PGLYRP2: variants seen among roughly 807,000 people sequenced by gnomAD.
PGLYRP2 encodes the protein N-acetylmuramoyl-L-alanine amidase.
A neutral mutation model predicts 46.2 loss-of-function variants in PGLYRP2; 38 were observed. The ratio of observed to expected loss-of-function variants is 0.82; its 90% CI spans 0.64 to 1.08. The LOEUF (loss-of-function observed/expected upper bound fraction) is 1.08, where lower values mean the gene tolerates loss of function less well. Among genes scored for constraint, PGLYRP2 ranks in the 50% least tolerant of loss-of-function variants. The pLI is 0.00. For synonymous variants in PGLYRP2, 289 were observed against 329.4 expected (o/e 0.88, Z 1.33); for missense variants, 713 against 755.9 (o/e 0.94, Z 0.67).
At chr19:15,473,367 G>A (rs1568341270) in intron 2 of PGLYRP2, among the ~76,000 whole-genome samples, 1 of 150,406 alleles carries the variant, frequency 6.6e-6, no homozygotes, top group Non-Finnish European at 1.5e-5. Context: ...CTATGTGGGA[G>A]GCTGAGGCAG....
At position 15,472,077 on chromosome 19, in the gene PGLYRP2, A is replaced by C; in HGVS notation, c.1156T>G (p.Cys386Gly). 1 of 1,604,826 alleles carries C rather than the reference A, an allele frequency of 6.2e-7. No homozygotes were observed. The highest frequency in any genetic ancestry group is 8.5e-7 in the Non-Finnish European group (1 of 1,179,720). ...FLGCPAIHPRCRWGAAPYRGR... is the reference protein window; with the variant it reads ...FLGCPAIHPRGRWGAAPYRGR... ...CGATAAGGCGCCGCTCCCCAGCGGC[A>C]GCGGGGGTGGATGGCCGGGCATCCT... is the stretch of plus-strand genomic sequence containing the variant. Residue 386 changes from cysteine (C) to glycine (G), a missense_variant, in exon 3 of 5, where the codon TGC becomes GGC. Coordinates refer to ENST00000340880, the MANE Select transcript of PGLYRP2 (RefSeq NM_052890.4).
intron 3 of PGLYRP2, among the ~76,000 whole-genome samples, chr19:15,470,238 TTCTTTCCTTCCTTCCTTCCTTCCTTCC>T (rs1970732435): frequency 1.5e-5 from 2 of 130,518 alleles, no homozygotes; most frequent in Middle Eastern, 3.9e-3. Flanking sequence ...TGGGTTTTTT[TTCTTTCCTTCCTTCCTTCCTTCCTTCC>T]TTCCTTCCTT....
chr19:15,476,212 T>C lies in PGLYRP2; in HGVS notation c.458A>G (p.Asp153Gly). The C allele has an allele frequency of 1.2e-6, 2 of 1,614,076 alleles. No homozygotes were observed. Among genetic ancestry groups the C allele is most frequent in the South Asian group, 2.2e-5 (2 of 91,080 alleles). Residue 153 changes from aspartate to glycine, a missense_variant, in exon 2 of 5, where the codon GAT becomes GGT. Asp to Gly is a moderately conservative substitution (Grantham distance 94). Coordinates refer to ENST00000340880, the MANE Select transcript of PGLYRP2 (RefSeq NM_052890.4). ...AATGGCCACAACATCTGGAAAGGTA[T>C]CTCCAGTCTCCCAAGGGGCAGCCAT... ...DSMAAPWETG[D>G]TFPDVVAIAP... is the part of the protein sequence containing the mutation.
At position 15,475,644 on chromosome 19, in the gene PGLYRP2, A is replaced by G. The variant is rs1224336270; in HGVS notation, c.1026T>C (p.Leu342=). 6.2e-7 allele frequency: 1 copy of G among 1,614,028 alleles called. No individual in the cohort carries two copies. The highest frequency in any genetic ancestry group is 1.3e-5 in the African/African-American group (1 of 74,912). Residue 342 remains leucine (L), a synonymous_variant, in exon 2 of 5, where the codon CTT becomes CTC. Coordinates refer to ENST00000340880, the MANE Select transcript of PGLYRP2 (RefSeq NM_052890.4). ...LAQQVWGTLV[L]LQRLEPVHLQ... is the part of the protein sequence containing the mutation. Reference sequence around the variant, plus strand: ...GGTGTACTGGCTCCAGCCTCTGTAGAAGGACAAGGGTTCCCCACACCTGCT... The same window carrying G: ...GGTGTACTGGCTCCAGCCTCTGTAGGAGGACAAGGGTTCCCCACACCTGCT...
chr19:15,470,237 T>TTCCTTTCCTTCCTTCC (rs1970732105), intron 3 of PGLYRP2, among the ~76,000 whole-genome samples: 4 of 113,898 alleles, frequency 3.5e-5, no homozygotes, highest in African/African-American at 9.7e-5. Flanking sequence ...TTGGGTTTTT[T>TTCCTTTCCTTCCTTCC]TTCTTTCCTT....
intron 2 of PGLYRP2, among the ~76,000 whole-genome samples, chr19:15,473,901 C>T (rs1393933125): frequency 6.6e-6 from 1 of 151,874 alleles, no homozygotes; most frequent in Non-Finnish European, 1.5e-5. Context: ...GGGCAAAAGA[C>T]ATTAATAGAC....
chr19:15,473,470 C>CA lies in PGLYRP2; in HGVS notation c.1133-1371dup, dbSNP rs56053684. Among the ~76,000 whole-genome samples, 95 of 36,474 alleles carry CA rather than the reference C, an allele frequency of 2.6e-3. 10 individuals carry two copies. The highest frequency in any genetic ancestry group is 0.019 in the East Asian group (8 of 418). 23.9% of individuals were successfully genotyped at this position (36,474 alleles called of 152,430 possible). On this transcript the variant is annotated intron_variant, in intron 2 of 4. Transcript: ENST00000340880. ...GGGCAACAGAGCAAAAACTCTGTCTCAAAAAAAAAAAAAAAAAAAAAAAAA... is the reference window on the plus strand; with the variant it reads ...GGGCAACAGAGCAAAAACTCTGTCTCAAAAAAAAAAAAAAAAAAAAAAAAAA...
Position 15,476,454 on chromosome 19 carries a change from C to T in PGLYRP2, c.216G>A (p.Gly72=). Residue 72 remains glycine, a synonymous_variant, in exon 2 of 5, where the codon GGG becomes GGA. Transcript: ENST00000340880. ...PHNRLYHFLL[G]AWSLNATELD... ...ACTCTGTAGCATTGAGGCTCCATGC[C>T]CCCAGCAGGAAGTGGTAGAGGCGAT... The T allele has an allele frequency of 6.2e-7, 1 of 1,614,134 alleles. No individual in the cohort carries two copies. The highest frequency in any genetic ancestry group is 1.1e-5 in the South Asian group (1 of 91,082).
At chr19:15,471,811 C>A in intron 3 of PGLYRP2, 79 bp downstream of exon 3, 7 of 1,476,478 alleles carry the variant, frequency 4.7e-6, no homozygotes, top group Non-Finnish European at 5.5e-6. Context: ...CAAGCCCGGT[C>A]CCCTGCATCA....
At chr19:15,475,503 T>C (rs776726928) in intron 2 of PGLYRP2, 35 bp downstream of exon 2, 2 of 1,536,166 alleles carry the variant, frequency 1.3e-6, no homozygotes, top group East Asian at 2.3e-5. Flanking sequence ...GTGTCTGTAA[T>C]GGGAAGGATC....
rs1209400868 is a variant in PGLYRP2, at chr19:15,472,024, C to T, written c.1209G>A (p.Pro403=). The T allele has an allele frequency of 1.2e-6, 2 of 1,612,888 alleles. No homozygotes were observed. Among genetic ancestry groups the T allele is most frequent in the African/African-American group, 1.3e-5 (1 of 75,062 alleles). ...TGTGATGCACGTACAAGAATCCCAGCGGCAGCTGCAGCAGCTTCGGGCGGC... is the reference window on the plus strand; with the variant it reads ...TGTGATGCACGTACAAGAATCCCAGTGGCAGCTGCAGCAGCTTCGGGCGGC... The part of the protein sequence containing the change: ...YRGRPKLLQL[P]LGFLYVHHTY... The change falls in exon 3 of 5, where the codon CCG becomes CCA. Residue 403 remains proline (P), a synonymous_variant. Transcript: ENST00000340880.
chr19:15,477,712 A>T (rs1204118883), intron 1 of PGLYRP2, among the ~76,000 whole-genome samples: 3 of 82,638 alleles, frequency 3.6e-5, no homozygotes, highest in African/African-American at 1.0e-4. Context: ...TAAAATAAAT[A>T]AAATAAAATT....
chr19:15,475,860 C>T lies in PGLYRP2; in HGVS notation c.810G>A (p.Met270Ile). 1 of 1,614,050 alleles carries T rather than the reference C, an allele frequency of 6.2e-7. No individual in the cohort carries two copies. Among genetic ancestry groups the T allele is most frequent in the South Asian group, 1.1e-5 (1 of 91,084 alleles). ...CATCCAGGGCGCCATTGAGGAAGGC[C>T]ATGGTTAACAGAGATGCCTTGGGGT... ...LLDPKASLLT[M>I]AFLNGALDGV... The change falls in exon 2 of 5, where the codon ATG becomes ATA. Residue 270 changes from methionine (M) to isoleucine (I), a missense_variant. By Grantham distance (10) the Met-to-Ile change is conservative. Transcript: ENST00000340880.
At chr19:15,475,412 C>T in intron 2 of PGLYRP2, 126 bp downstream of exon 2, 1 of 915,632 alleles carries the variant, frequency 1.1e-6, no homozygotes, top group Non-Finnish European at 1.7e-6. Context: ...CTGTCCCACC[C>T]ACCCCCGACC....
Position 15,469,491 on chromosome 19 carries a change from T to G in PGLYRP2, c.1641+141A>C. 8.2e-7 allele frequency: 1 copy of G among 1,212,194 alleles called. No individual in the cohort carries two copies. Among genetic ancestry groups the G allele is most frequent in the Non-Finnish European group, 1.2e-6 (1 of 849,878 alleles). 75.1% of individuals were successfully genotyped at this position (1,212,194 alleles called of 1,614,324 possible). A position where few individuals can be genotyped will look rare whatever the true frequency, so the allele number is the denominator to read the frequency against. ...CCGCAAAGGCTGGGCCTAGGTTTCC[T>G]GAATAGACGTGCCGCCGGGAAGTTG... On this transcript the variant is annotated intron_variant, in intron 4 of 4. Coordinates refer to ENST00000340880, the MANE Select transcript of PGLYRP2 (RefSeq NM_052890.4). The surrounding 1 kb of genome is among the most constrained non-coding windows in gnomAD (Gnocchi z 4.9).
At chr19:15,470,241 TTTCCTTCCTTCCTTCCTTCC>T (rs71176417) in intron 3 of PGLYRP2, among the ~76,000 whole-genome samples, 1 of 100,002 alleles carries the variant, frequency 1.0e-5, no homozygotes, top group Non-Finnish European at 2.0e-5. Flanking sequence ...GTTTTTTTTC[TTTCCTTCCTTCCTTCCTTCC>T]TTCCTTCCTT....
In PGLYRP2 at chr19:15,476,522, C is replaced by T. The variant is rs1970799041; in HGVS notation, c.148G>A (p.Ala50Thr). The change falls in exon 2 of 5, where the codon GCT becomes ACT. Residue 50 changes from alanine to threonine, a missense_variant. Transcript: ENST00000340880. Reference protein sequence around the residue: ...KVPAAKTRHTASAWLMSAPNS... With the variant: ...KVPAAKTRHTTSAWLMSAPNS... ...GGAGCTGACATCAGCCACGCAGAAG[C>T]TGTGTGTCTGGTCTTGGCAGCTGGC... 4.3e-6 allele frequency: 7 copies of T among 1,614,008 alleles called. No individual in the cohort carries two copies. The Admixed American group carries it at 1.2e-4, about 27-fold the overall frequency.
chr19:15,470,079 C>A (rs1970730460), intron 3 of PGLYRP2, 150 bp from the exon 4 acceptor site: 2 of 780,998 alleles, frequency 2.6e-6, no homozygotes, highest in South Asian at 3.8e-5. Context: ...CAGCTCTGTT[C>A]CACTCTCACA....
rs529274628 is a variant in PGLYRP2, at chr19:15,468,795, G to A, written c.1642-43C>T. The A allele has an allele frequency of 9.9e-6, 15 of 1,522,590 alleles. No individual in the cohort carries two copies. The Admixed American group carries it at 2.5e-4, about 26-fold the overall frequency. The allele number at this position is 1,522,590 out of a possible 1,614,324, so 94.3% of individuals were successfully genotyped here. A position where few individuals can be genotyped will look rare whatever the true frequency, so the allele number is the denominator to read the frequency against. ...AGTGTGAGGCTTGGGGGTGGTTGTG[G>A]TATGTGGCTGGGTCTGCCCTCCTGG... On this transcript the variant is annotated intron_variant, in intron 4 of 4. Coordinates refer to ENST00000340880, the MANE Select transcript of PGLYRP2 (RefSeq NM_052890.4).
Sources: allele counts gnomAD v4.1 joint callset (sites outside exome capture counted in the v4.1 genomes callset), GRCh38; gene constraint gnomAD v4.1.1; non-coding constraint Gnocchi (gnomAD v3.1); transcripts MANE v1.5; gene names NCBI Gene and HGNC (gene_info 2026-07-23, HGNC 2026-07-21).